The following CAMK1D variants were observed in gnomAD, a reference collection of about 807,000 sequenced individuals.
CAMK1D encodes the protein calcium/calmodulin-dependent protein kinase type 1D.
CAMK1D carries 9 observed loss-of-function variants against 47.7 expected under a neutral mutation model. The observed-to-expected ratio is 0.19, with a 90% CI of 0.11 to 0.33. The LOEUF (loss-of-function observed/expected upper bound fraction) is 0.33. Among genes scored for constraint, CAMK1D ranks in the 10% least tolerant of loss-of-function variants. CAMK1D has a pLI of 1.00. For synonymous variants in CAMK1D, 184 were observed against 184.9 expected, an observed-to-expected ratio of 0.99 and a Z score of 0.04; for missense variants, 291 against 488.7, an observed-to-expected ratio of 0.60 and a Z score of 3.81.
At chr10:12,647,091 T>C (rs1839830830) in intron 2 of CAMK1D, among the ~76,000 whole-genome samples, 1 of 145,024 alleles carries the variant, frequency 6.9e-6, no homozygotes, top group Admixed American at 7.0e-5. Flanking sequence ...TCCGCCCACC[T>C]CAGCCTCCCA....
chr10:12,370,316 C>G (rs1291811298), intron 1 of CAMK1D, among the ~76,000 whole-genome samples: 1 of 151,072 alleles, frequency 6.6e-6, no homozygotes, highest in Non-Finnish European at 1.5e-5. Flanking sequence ...GCACCTAATA[C>G]TTGATAGTGA....
At chr10:12,546,584 G>A (rs111838027) in intron 1 of CAMK1D, among the ~76,000 whole-genome samples, 2,037 of 152,082 alleles carry the variant, frequency 0.013, 35 homozygotes, top group South Asian at 0.063. Context: ...TGATAGACTG[G>A]ATTAAGAAAA....
chr10:12,799,596 C>T (rs1208502597), intron 6 of CAMK1D, among the ~76,000 whole-genome samples: 3 of 152,182 alleles, frequency 2.0e-5, no homozygotes, highest in Non-Finnish European at 4.4e-5. Context: ...TGTCTGCACC[C>T]CTCATGCTTT....
intron 2 of CAMK1D, among the ~76,000 whole-genome samples, chr10:12,647,184 CTTG>C (rs1839835151): frequency 9.3e-6 from 1 of 107,540 alleles, no homozygotes. Flanking sequence ...GAGTCTCACT[CTTG>C]TTGCCCAGGC....
intron 3 of CAMK1D, among the ~76,000 whole-genome samples, chr10:12,668,912 A>C (rs1229785504): frequency 6.6e-6 from 1 of 151,980 alleles, no homozygotes; most frequent in Admixed American, 6.6e-5. Context: ...TTTTGTGTTA[A>C]GAAAAAAAAA....
intron 1 of CAMK1D, among the ~76,000 whole-genome samples, chr10:12,435,817 C>T (rs1488465165): frequency 6.6e-6 from 1 of 152,230 alleles, no homozygotes; most frequent in African/African-American, 2.4e-5. Flanking sequence ...AAACCCTTCT[C>T]ATTGTCTTGT....
intron 2 of CAMK1D, among the ~76,000 whole-genome samples, chr10:12,635,478 C>T (rs527784706): frequency 1.7e-4 from 26 of 152,198 alleles, no homozygotes; most frequent in Admixed American, 1.0e-3. Context: ...AAGCCCACGG[C>T]GCAGTGCAGG....
intron 1 of CAMK1D, among the ~76,000 whole-genome samples, chr10:12,538,790 G>A (rs1353695880): frequency 6.6e-6 from 1 of 151,664 alleles, no homozygotes; most frequent in Non-Finnish European, 1.5e-5. Context: ...GGGTCCCAGG[G>A]CAGGTCAGGA....
chr10:12,449,068 G>A (rs540393575), intron 1 of CAMK1D, among the ~76,000 whole-genome samples: 3 of 152,248 alleles, frequency 2.0e-5, no homozygotes, highest in Admixed American at 6.5e-5. Flanking sequence ...ATTCTATTAC[G>A]TCATGTTACT....
chr10:12,708,054 C>T (rs1037745250), intron 3 of CAMK1D, among the ~76,000 whole-genome samples: 1 of 152,212 alleles, frequency 6.6e-6, no homozygotes, highest in African/African-American at 2.4e-5. Context: ...CTAGAGCCCC[C>T]ATTGTATTTA....
At chr10:12,392,413 G>C (rs1486705261) in intron 1 of CAMK1D, among the ~76,000 whole-genome samples, 1 of 151,704 alleles carries the variant, frequency 6.6e-6, no homozygotes, top group Non-Finnish European at 1.5e-5. Context: ...CTTTGTTCCT[G>C]AATTTATCTA....
intron 1 of CAMK1D, among the ~76,000 whole-genome samples, chr10:12,544,298 CTT>C (rs1197958454): frequency 6.6e-6 from 1 of 152,012 alleles, no homozygotes; most frequent in Non-Finnish European, 1.5e-5. Flanking sequence ...AAATAAATGT[CTT>C]GTCACAACTT....
chr10:12,414,276 T>C (rs531900167), intron 1 of CAMK1D, among the ~76,000 whole-genome samples: 1 of 152,228 alleles, frequency 6.6e-6, no homozygotes, highest in African/African-American at 2.4e-5. Flanking sequence ...CTGATGACAA[T>C]TGCAGTAAAC....
chr10:12,569,099 G>A (rs898511689), intron 2 of CAMK1D, among the ~76,000 whole-genome samples: 6 of 152,094 alleles, frequency 3.9e-5, no homozygotes, highest in East Asian at 1.9e-4. Flanking sequence ...TTGCTGAGTC[G>A]GATGAACAGA....
chr10:12,581,737 G>A (rs1014414346), intron 2 of CAMK1D, among the ~76,000 whole-genome samples: 1 of 152,012 alleles, frequency 6.6e-6, no homozygotes, highest in African/African-American at 2.4e-5. Context: ...TGATGGGATT[G>A]TATTTCTTTG....
intron 1 of CAMK1D, among the ~76,000 whole-genome samples, chr10:12,475,459 C>A (rs1265578761): frequency 6.6e-6 from 1 of 152,190 alleles, no homozygotes; most frequent in Non-Finnish European, 1.5e-5. Context: ...GTCAGGATTT[C>A]CTTCCCCATT....
Position 12,791,245 on chromosome 10 carries a change from C to G in CAMK1D, c.641+12C>G. 2 of 1,612,696 alleles carry G rather than the reference C, an allele frequency of 1.2e-6. No homozygotes were observed. The highest frequency in any genetic ancestry group is 1.7e-6 in the Non-Finnish European group (2 of 1,178,936). ...ATTGCCTACATCTTGTAAGTACTGC[C>G]TGCTGCCTTGGGTTCTTCCTCTACC... On this transcript the variant is annotated intron_variant, in intron 6 of 10. Transcript: ENST00000619168.
intron 1 of CAMK1D, among the ~76,000 whole-genome samples, chr10:12,394,554 C>T (rs963408245): frequency 6.6e-6 from 1 of 152,072 alleles, no homozygotes; most frequent in African/African-American, 2.4e-5. Context: ...TTCCTTTCAC[C>T]CCATCACTCC....
chr10:12,426,966 C>T (rs12261258), intron 1 of CAMK1D, among the ~76,000 whole-genome samples: 4,197 of 152,266 alleles, frequency 0.028, 65 homozygotes, highest in East Asian at 0.05. Flanking sequence ...CCGCCTGCCT[C>T]GGCCTCCCAG....
Sources: allele counts gnomAD v4.1 joint callset (sites outside exome capture counted in the v4.1 genomes callset), GRCh38; gene constraint gnomAD v4.1.1; transcripts MANE v1.5; gene names NCBI Gene and HGNC (gene_info 2026-07-23, HGNC 2026-07-21).